KCNH8: variants seen among roughly 807,000 people sequenced by gnomAD.
KCNH8 encodes the protein voltage-gated delayed rectifier potassium channel KCNH8.
KCNH8 carries 70 observed loss-of-function variants against 103.6 expected under a neutral mutation model. The ratio of observed to expected loss-of-function variants is 0.68; its 90% CI spans 0.56 to 0.82. The LOEUF (loss-of-function observed/expected upper bound fraction) is 0.82, where lower values mean the gene tolerates loss of function less well. Among genes scored for constraint, KCNH8 ranks in the 40% least tolerant of loss-of-function variants. The pLI is 0.00. For synonymous variants in KCNH8, 498 were observed against 489.4 expected (o/e 1.02, Z -0.23); for missense variants, 1,217 against 1,329.9 (o/e 0.92, Z 1.32).
chr3:19,249,861 C>A (rs1054539394), intron 1 of KCNH8, among the ~76,000 whole-genome samples: 3 of 152,094 alleles, frequency 2.0e-5, no homozygotes, highest in African/African-American at 7.2e-5. Context: ...GGGGTTTTCA[C>A]TGCATGAATG....
rs1283390207 is a variant in KCNH8 at position 19,288,322 on chromosome 3, G to A, written c.442+6993G>A. On this transcript the variant is annotated intron_variant, in intron 3 of 15. Transcript: ENST00000328405. ...TATACATGTGCCATGTTGGTGTGCT[G>A]CACCCATTAACTCGTCATTTAACAT... is the stretch of plus-strand genomic sequence containing the variant. 5.3e-5 allele frequency among the ~76,000 whole-genome samples: 8 copies of A among 150,264 alleles called. No individual in the cohort carries two copies. In the Admixed American group the frequency reaches 5.3e-4, roughly 10 times the overall value.
intron 3 of KCNH8, among the ~76,000 whole-genome samples, chr3:19,294,070 C>G (rs1052437877): frequency 6.6e-6 from 1 of 152,102 alleles, no homozygotes; most frequent in Non-Finnish European, 1.5e-5. Flanking sequence ...TTACCTTAGT[C>G]TTAGCCTCTC....
intron 10 of KCNH8, among the ~76,000 whole-genome samples, chr3:19,455,644 C>A (rs2067520070): frequency 6.6e-6 from 1 of 151,990 alleles, no homozygotes; most frequent in Admixed American, 6.6e-5. Flanking sequence ...ACCTGCTTGC[C>A]AGGACTCAAT....
chr3:19,445,895 G>A (rs1300229760), intron 8 of KCNH8, among the ~76,000 whole-genome samples: 1 of 151,950 alleles, frequency 6.6e-6, no homozygotes, highest in African/African-American at 2.4e-5. Flanking sequence ...TGTGCTAGAT[G>A]CAGGGAAAAC....
At chr3:19,374,771 C>T (rs976550850) in intron 5 of KCNH8, among the ~76,000 whole-genome samples, 14 of 152,130 alleles carry the variant, frequency 9.2e-5, no homozygotes, top group Middle Eastern at 3.4e-3. Flanking sequence ...TTTAGTGCTT[C>T]CTTCAGGAGC....
At chr3:19,258,933 CTCTCTCTCTCTCTCTATATA>C (rs1425466508) in intron 2 of KCNH8, among the ~76,000 whole-genome samples, 26 of 83,532 alleles carry the variant, frequency 3.1e-4, no homozygotes, top group African/African-American at 1.0e-3. Context: ...CTCTCTCTCT[CTCTCTCTCTCTCTCTATATA>C]TATATATATA....
At chr3:19,457,718 C>A (rs1428207085) in intron 11 of KCNH8, among the ~76,000 whole-genome samples, 1 of 151,866 alleles carries the variant, frequency 6.6e-6, no homozygotes, top group Non-Finnish European at 1.5e-5. Flanking sequence ...GAGCTTTGTC[C>A]CAGATATTTG....
chr3:19,211,607 T>A (rs2063772159), intron 1 of KCNH8, among the ~76,000 whole-genome samples: 2 of 152,176 alleles, frequency 1.3e-5, no homozygotes, highest in Admixed American at 1.3e-4. Flanking sequence ...GACCTCAGTC[T>A]GATATTTTAA....
chr3:19,452,846 T>C (rs2067470371), intron 10 of KCNH8, among the ~76,000 whole-genome samples: 1 of 152,162 alleles, frequency 6.6e-6, no homozygotes, highest in South Asian at 2.1e-4. Context: ...GTATTCAGCA[T>C]TCCTTCCATG....
chr3:19,332,955 A>G (rs371523585), intron 3 of KCNH8, among the ~76,000 whole-genome samples: 8 of 152,262 alleles, frequency 5.3e-5, no homozygotes, highest in African/African-American at 1.9e-4. Context: ...TTTACTTCAC[A>G]TTTCCACCAG....
chr3:19,310,427 A>G (rs892996381), intron 3 of KCNH8, among the ~76,000 whole-genome samples: 1 of 151,890 alleles, frequency 6.6e-6, no homozygotes, highest in African/African-American at 2.4e-5. Context: ...GCTGAATCCT[A>G]TCCAGGGACA....
intron 3 of KCNH8, among the ~76,000 whole-genome samples, chr3:19,329,633 AT>A (rs537048754): frequency 7.2e-5 from 11 of 152,154 alleles, no homozygotes; most frequent in Non-Finnish European, 1.5e-4. Context: ...CACTTTTGCT[AT>A]TCCGATCTAC....
intron 3 of KCNH8, among the ~76,000 whole-genome samples, chr3:19,306,836 TTTAA>T (rs2065136409): frequency 6.6e-6 from 1 of 152,118 alleles, no homozygotes; most frequent in Non-Finnish European, 1.5e-5. Context: ...ATTTATATCC[TTTAA>T]TTATCAACAA....
intron 1 of KCNH8, among the ~76,000 whole-genome samples, chr3:19,156,270 T>A (rs935485554): frequency 6.6e-6 from 1 of 152,192 alleles, no homozygotes; most frequent in African/African-American, 2.4e-5. Context: ...CACCCACTTT[T>A]TGAGTCAAAG....
At chr3:19,331,798 T>C (rs572266155) in intron 3 of KCNH8, among the ~76,000 whole-genome samples, 16 of 152,304 alleles carry the variant, frequency 1.1e-4, no homozygotes, top group African/African-American at 3.6e-4. Context: ...TTACTATTGA[T>C]TGTAATCACT....
At chr3:19,217,120 G>A (rs777794166) in intron 1 of KCNH8, among the ~76,000 whole-genome samples, 28 of 152,168 alleles carry the variant, frequency 1.8e-4, no homozygotes, top group South Asian at 4.1e-4. Flanking sequence ...AGTCCCTTGC[G>A]CAAGGCTAAC....
chr3:19,280,441 G>A (rs915294010), intron 2 of KCNH8, among the ~76,000 whole-genome samples: 22 of 152,020 alleles, frequency 1.4e-4, no homozygotes, highest in African/African-American at 5.3e-4. Flanking sequence ...TTTCCCCAAA[G>A]TAACCGTTAA....
intron 7 of KCNH8, among the ~76,000 whole-genome samples, chr3:19,414,261 G>C (rs1364550930): frequency 2.6e-5 from 4 of 152,026 alleles, no homozygotes; most frequent in African/African-American, 7.2e-5. Flanking sequence ...AGGGAAAGGA[G>C]ATACTCAAAT....
chr3:19,256,711 G>A (rs1030560986), intron 2 of KCNH8, among the ~76,000 whole-genome samples: 5 of 152,020 alleles, frequency 3.3e-5, no homozygotes, highest in Admixed American at 6.6e-5. Flanking sequence ...AAAGTATGGC[G>A]TACAGGTTGG....
Sources: allele counts gnomAD v4.1 joint callset (sites outside exome capture counted in the v4.1 genomes callset), GRCh38; gene constraint gnomAD v4.1.1; transcripts MANE v1.5; gene names NCBI Gene and HGNC (gene_info 2026-07-23, HGNC 2026-07-21).